PTPRD: variants seen among roughly 807,000 people sequenced by gnomAD.
PTPRD encodes the protein receptor-type tyrosine-protein phosphatase delta.
A neutral mutation model predicts 214.5 loss-of-function variants in PTPRD; 34 were observed. The ratio of observed to expected loss-of-function variants is 0.16; its 90% CI spans 0.12 to 0.21. The LOEUF (loss-of-function observed/expected upper bound fraction) is 0.21, where lower values mean the gene tolerates loss of function less well. Among genes scored for constraint, PTPRD ranks in the 10% least tolerant of loss-of-function variants. The pLI is 1.00. For synonymous variants in PTPRD, 1,128 were observed against 845.7 expected (o/e 1.33, Z -5.79); for missense variants, 2,545 against 2,398.7 (o/e 1.06, Z -1.27).
intron 44 of PTPRD, among the ~76,000 whole-genome samples, chr9:8,331,207 G>T (rs10758955): frequency 0.49 from 74,592 of 151,874 alleles, 22,363 homozygotes; most frequent in African/African-American, 0.84. Context: ...TATTCATGAG[G>T]TTTTCACAAA....
chr9:9,485,324 G>C (rs912823011), intron 8 of PTPRD, among the ~76,000 whole-genome samples: 4 of 152,108 alleles, frequency 2.6e-5, no homozygotes, highest in Non-Finnish European at 5.9e-5. Flanking sequence ...AGGCTTTAGA[G>C]TACTAAATTT....
At chr9:9,341,967 C>T (rs1256005621) in intron 9 of PTPRD, among the ~76,000 whole-genome samples, 1 of 151,948 alleles carries the variant, frequency 6.6e-6, no homozygotes, top group Non-Finnish European at 1.5e-5. Context: ...TGCCACCATG[C>T]CCAGTTATTT....
intron 2 of PTPRD, among the ~76,000 whole-genome samples, chr9:10,524,607 A>G (rs865984308): frequency 1.3e-5 from 2 of 152,074 alleles, no homozygotes; most frequent in Admixed American, 6.6e-5. Flanking sequence ...ACATTTTTCA[A>G]TAAGGATATG....
chr9:10,366,318 A>G (rs1006515756), intron 2 of PTPRD, among the ~76,000 whole-genome samples: 1 of 152,208 alleles, frequency 6.6e-6, no homozygotes, highest in Admixed American at 6.5e-5. Flanking sequence ...CTATGTATAC[A>G]GAATACGGAA....
chr9:10,330,830 C>G (rs2096736104), intron 3 of PTPRD, among the ~76,000 whole-genome samples: 1 of 151,782 alleles, frequency 6.6e-6, no homozygotes, highest in South Asian at 2.1e-4. Flanking sequence ...TCCTTTGATT[C>G]TCCTTCTCAT....
intron 5 of PTPRD, among the ~76,000 whole-genome samples, chr9:9,843,315 T>C (rs2058758616): frequency 6.6e-6 from 1 of 151,996 alleles, no homozygotes; most frequent in Non-Finnish European, 1.5e-5. Context: ...ACCTTGAAAT[T>C]TTCTCAGCTA....
intron 3 of PTPRD, among the ~76,000 whole-genome samples, chr9:10,275,548 T>G (rs935193999): frequency 3.9e-5 from 6 of 152,100 alleles, no homozygotes; most frequent in Admixed American, 3.9e-4. Context: ...TGATCATAGA[T>G]AGTGTTATAT....
In PTPRD at chr9:8,339,081, A is replaced by C. The variant is rs780434157; in HGVS notation, c.5254-34T>G. 49 of 1,593,964 alleles carry C rather than the reference A, an allele frequency of 3.1e-5. No homozygotes were observed. In the Admixed American group the frequency reaches 7.1e-4, roughly 23 times the overall value. Reference sequence around the variant, plus strand: ...AGAGAAGATTAATGTTAAACTATGCAAAGTATAAAGAACATTCTGTATATT... The same window carrying C: ...AGAGAAGATTAATGTTAAACTATGCCAAGTATAAAGAACATTCTGTATATT... On this transcript the variant is annotated intron_variant, in intron 42 of 45. Transcript: ENST00000381196.
rs563039138 is a variant in PTPRD, at chr9:9,739,814, T to C, written c.-325-5243A>G. Among the ~76,000 whole-genome samples, 183 of 150,456 alleles carry C rather than the reference T, an allele frequency of 1.2e-3. 1 individual carries two copies. The highest frequency in any genetic ancestry group is 4.1e-3 in the African/African-American group (170 of 41,532). ...TACTTATATTATTTTTCTGCCTTTT[T>C]CTCTACATATATATATATATGTGTG... On this transcript the variant is annotated intron_variant, in intron 6 of 45. Coordinates refer to ENST00000381196, the MANE Select transcript of PTPRD (RefSeq NM_002839.4).
At chr9:10,190,154 G>A (rs1460171572) in intron 3 of PTPRD, among the ~76,000 whole-genome samples, 1 of 151,730 alleles carries the variant, frequency 6.6e-6, no homozygotes, top group Non-Finnish European at 1.5e-5. Context: ...ATCACCTGAG[G>A]TCAGGAGTTC....
At chr9:9,501,436 T>A (rs1266550124) in intron 8 of PTPRD, among the ~76,000 whole-genome samples, 2 of 151,962 alleles carry the variant, frequency 1.3e-5, no homozygotes, top group African/African-American at 2.4e-5. Context: ...CAATCATATA[T>A]GTGTATGCAC....
intron 9 of PTPRD, among the ~76,000 whole-genome samples, chr9:9,203,905 G>GA (rs2099943317): frequency 6.6e-6 from 1 of 152,154 alleles, no homozygotes; most frequent in African/African-American, 2.4e-5. Flanking sequence ...ATTGGAGAAA[G>GA]AAAATCAAGC....
At chr9:9,215,838 A>G (rs2099951798) in intron 9 of PTPRD, among the ~76,000 whole-genome samples, 1 of 152,220 alleles carries the variant, frequency 6.6e-6, no homozygotes, top group Non-Finnish European at 1.5e-5. Context: ...GAACACCACA[A>G]CAGTAAAATA....
intron 4 of PTPRD, among the ~76,000 whole-genome samples, chr9:10,003,967 C>A (rs1348882608): frequency 6.6e-6 from 1 of 151,560 alleles, no homozygotes; most frequent in African/African-American, 2.4e-5. Flanking sequence ...AAGCTCTCTA[C>A]AAATAAGAGG....
chr9:9,855,549 G>C (rs986591378), intron 5 of PTPRD, among the ~76,000 whole-genome samples: 1 of 152,272 alleles, frequency 6.6e-6, no homozygotes, highest in South Asian at 2.1e-4. Context: ...GGAATTGTGA[G>C]GGTGCCTCAT....
chr9:8,652,391 G>A (rs141862830), intron 12 of PTPRD, among the ~76,000 whole-genome samples: 1 of 152,152 alleles, frequency 6.6e-6, no homozygotes, highest in African/African-American at 2.4e-5. Context: ...TACTGCCCTG[G>A]CACACGGCTA....
intron 8 of PTPRD, among the ~76,000 whole-genome samples, chr9:9,407,237 C>A (rs980762961): frequency 6.6e-6 from 1 of 151,634 alleles, no homozygotes; most frequent in Non-Finnish European, 1.5e-5. Flanking sequence ...TTCTGAGCAT[C>A]GACCATGATG....
At chr9:8,785,116 TC>T (rs1476979134) in intron 11 of PTPRD, among the ~76,000 whole-genome samples, 1 of 151,960 alleles carries the variant, frequency 6.6e-6, no homozygotes, top group Non-Finnish European at 1.5e-5. Context: ...CAACAAGGCC[TC>T]CCACAGCCCA....
intron 25 of PTPRD, 72 bp from the exon 26 acceptor site, chr9:8,497,340 G>C: frequency 7.8e-7 from 1 of 1,282,264 alleles, no homozygotes; most frequent in Non-Finnish European, 1.1e-6. Flanking sequence ...TATACAGGCA[G>C]TGTTGCCCTT....
Sources: gnomAD v4.1 joint callset for allele counts (sites outside exome capture counted in the v4.1 genomes callset) on GRCh38, gnomAD v4.1.1 for gene constraint, MANE v1.5 for transcripts, NCBI Gene and HGNC (gene_info 2026-07-23, HGNC 2026-07-21) for gene names.